Variants in SLC25A37 observed in about 807,000 individuals in gnomAD.
The protein encoded by SLC25A37 is solute carrier family 25 member 37.
In SLC25A37, 17 loss-of-function variants were observed where a neutral mutation model predicts 31.0. The ratio of observed to expected loss-of-function variants is 0.55; its 90% CI spans 0.38 to 0.82. The LOEUF (loss-of-function observed/expected upper bound fraction) is 0.82, where lower values mean the gene tolerates loss of function less well. SLC25A37 is among the 40% of genes least tolerant of loss of function. The probability of loss-of-function intolerance (pLI) is 0.00; values close to 1 mark genes in which losing one functional copy is unlikely to be tolerated. For missense variants in SLC25A37, 404 were observed against 465.8 expected (o/e 0.87, Z 1.22); for synonymous variants, 222 against 193.0 (o/e 1.15, Z -1.24).
rs778213772 is a variant in SLC25A37, at chr8:23,566,155, T to C, written c.258T>C (p.Ser86=). The change falls in exon 2 of 4, where the codon AGT becomes AGC. Residue 86 remains serine (S), a synonymous_variant. Transcript: ENST00000519973. ...CAGATCCCAAAGCCCAGTACACAAG[T>C]ATCTACGGAGCCCTCAAGAAAATCA... The part of the protein sequence containing the change: ...LSPDPKAQYT[S]IYGALKKIMR... The C allele has an allele frequency of 2.0e-5, 32 of 1,604,332 alleles. No homozygotes were observed. In the South Asian group the frequency reaches 3.5e-4, roughly 18 times the overall value.
intron 2 of SLC25A37, chr8:23,566,717 A>G (rs1469566989): frequency 4.9e-6 from 3 of 610,892 alleles, no homozygotes; most frequent in African/African-American, 2.0e-5. Flanking sequence ...GCTGGATTCA[A>G]AAAAAAAAAA....
chr8:23,540,996 T>A (rs1271394543), intron 1 of SLC25A37, among the ~76,000 whole-genome samples: 6 of 152,212 alleles, frequency 3.9e-5, no homozygotes, highest in Admixed American at 3.3e-4. Flanking sequence ...CAGGCTCTCA[T>A]TCCAGCACTA....
At chr8:23,541,812 G>A (rs1801901755) in intron 1 of SLC25A37, 1 of 152,566 alleles carries the variant, frequency 6.6e-6, no homozygotes, top group Admixed American at 6.5e-5. Context: ...CAGGGAGTCA[G>A]ACCAGAGGTG....
chr8:23,529,067 G>A lies in SLC25A37; in HGVS notation c.65G>A (p.Arg22Gln), dbSNP rs766182710. Residue 22 changes from arginine to glutamine, a missense_variant, in exon 1 of 4, where the codon CGA becomes CAA. Physicochemically the swap from Arg to Gln is conservative, Grantham distance 43. This residue lies in a region of SLC25A37 where 154 missense variants were observed against 153.6 expected (regional missense o/e 1.00). Transcript: ENST00000519973. The surrounding 1 kb of genome is among the most constrained non-coding windows in gnomAD (Gnocchi z 4.1). ...GCGCGGAGGATGGATGGGGACAGCC[G>A]AGATGGCGGCGGCGGCAAGGACGCC... ...AVARRMDGDS[R>Q]DGGGGKDATG... is the part of the protein sequence containing the mutation. 6.3e-7 allele frequency: 1 copy of A among 1,592,156 alleles called. No homozygotes were observed. Among genetic ancestry groups the A allele is most frequent in the Admixed American group, 1.8e-5 (1 of 56,810 alleles).
chr8:23,528,975 A>T lies in SLC25A37; in HGVS notation c.-28A>T. On this transcript the variant is annotated 5_prime_UTR_variant, in exon 1 of 4. Coordinates refer to ENST00000519973, the MANE Select transcript of SLC25A37 (RefSeq NM_016612.4). The stretch of plus-strand genomic sequence containing the variant: ...CTCCCCCTCCCTGCCCACCTCCTGC[A>T]GCCTCCTGCGCCCCGCCGAGCTGGC... 5 of 1,450,448 alleles carry T rather than the reference A, an allele frequency of 3.4e-6. No homozygotes were observed. The South Asian group carries it at 6.9e-5, about 20-fold the overall frequency. The allele number at this position is 1,450,448 out of a possible 1,614,324, so 89.8% of individuals were successfully genotyped here. A position where few individuals can be genotyped will look rare whatever the true frequency, so the allele number is the denominator to read the frequency against.
At position 23,572,359 on chromosome 8, in the gene SLC25A37, CA is replaced by C. The variant is rs2117473560; in HGVS notation, c.*505del. On this transcript the variant is annotated 3_prime_UTR_variant, in exon 4 of 4. Coordinates refer to ENST00000519973, the MANE Select transcript of SLC25A37 (RefSeq NM_016612.4). ...TTGTGTGTGTGCTTGTGCGTGTCTA[CA>C]CCTAGTATTACGGCTGGGACTCTCC... The C allele has an allele frequency of 6.5e-6, 1 of 153,176 alleles. No individual in the cohort carries two copies. Among genetic ancestry groups the C allele is most frequent in the East Asian group, 1.9e-4 (1 of 5,160 alleles). 9.5% of individuals were successfully genotyped at this position (153,176 alleles called of 1,614,324 possible). A position where few individuals can be genotyped will look rare whatever the true frequency, so the allele number is the denominator to read the frequency against.
intron 1 of SLC25A37, among the ~76,000 whole-genome samples, chr8:23,552,872 C>T (rs1190434152): frequency 6.6e-6 from 1 of 152,160 alleles, no homozygotes; most frequent in Non-Finnish European, 1.5e-5. Context: ...GGTAGGGGAA[C>T]TGAAAGCAAA....
At chr8:23,535,396 A>G (rs778554692) in intron 1 of SLC25A37, among the ~76,000 whole-genome samples, 1 of 152,154 alleles carries the variant, frequency 6.6e-6, no homozygotes, top group African/African-American at 2.4e-5. Flanking sequence ...CAGGACCTCA[A>G]TCAAACCCAT....
chr8:23,531,465 A>G (rs909247830), intron 1 of SLC25A37, among the ~76,000 whole-genome samples: 1 of 152,204 alleles, frequency 6.6e-6, no homozygotes, highest in African/African-American at 2.4e-5. Context: ...CCCTCTCCAC[A>G]TTTTTAACCC....
chr8:23,572,885 G>C lies in SLC25A37; in HGVS notation c.*1030G>C, dbSNP rs1244462357. The C allele has an allele frequency of 1.3e-5, 2 of 152,284 alleles. No homozygotes were observed. Among genetic ancestry groups the C allele is most frequent in the African/African-American group, 4.8e-5 (2 of 41,452 alleles). 9.4% of individuals were successfully genotyped at this position (152,284 alleles called of 1,614,324 possible). ...GCCTGCCTTCCCCGGTCAGCACTTA[G>C]AAGCCCTTGATAGGCAGCATTTGGC... On this transcript the variant is annotated 3_prime_UTR_variant, in exon 4 of 4. Coordinates refer to ENST00000519973, the MANE Select transcript of SLC25A37 (RefSeq NM_016612.4).
chr8:23,546,020 A>C lies in SLC25A37; in HGVS notation c.210+16808A>C, dbSNP rs567453083. ...TGTGGTAGCAGATGCCTATAATCTC[A>C]GCTACTTGAGAGGCTGAGGCGGGAG... On this transcript the variant is annotated intron_variant, in intron 1 of 3. Coordinates refer to ENST00000519973, the MANE Select transcript of SLC25A37 (RefSeq NM_016612.4). Among the ~76,000 whole-genome samples the C allele has an allele frequency of 4.6e-5, 7 of 152,228 alleles. No homozygotes were observed. The South Asian group carries it at 1.5e-3, about 32-fold the overall frequency.
intron 1 of SLC25A37, among the ~76,000 whole-genome samples, chr8:23,539,206 G>C (rs1801840013): frequency 6.6e-6 from 1 of 152,208 alleles, no homozygotes; most frequent in Admixed American, 6.5e-5. Flanking sequence ...CTTGAAGCAA[G>C]GGTTGCATAA....
intron 1 of SLC25A37, among the ~76,000 whole-genome samples, chr8:23,548,409 A>T (rs778874384): frequency 1.5e-4 from 21 of 143,992 alleles, no homozygotes; most frequent in Non-Finnish European, 2.5e-4. Flanking sequence ...CAATCTCCTG[A>T]CCTTGTGATC....
intron 1 of SLC25A37, among the ~76,000 whole-genome samples, chr8:23,548,786 GACCATATAGATGGAA>G (rs1482222070): frequency 6.6e-6 from 1 of 152,138 alleles, no homozygotes; most frequent in Non-Finnish European, 1.5e-5. Flanking sequence ...AAGAGATGAG[GACCATATAGATGGAA>G]ACACAGCATT....
intron 1 of SLC25A37, among the ~76,000 whole-genome samples, chr8:23,535,086 T>C (rs763150946): frequency 2.2e-4 from 34 of 152,328 alleles, no homozygotes; most frequent in Middle Eastern, 3.4e-3. Context: ...TAAATCCAGA[T>C]TATTATAGCC....
At chr8:23,547,241 G>A (rs977436856) in intron 1 of SLC25A37, among the ~76,000 whole-genome samples, 2 of 152,196 alleles carry the variant, frequency 1.3e-5, no homozygotes, top group Non-Finnish European at 1.5e-5. Context: ...GACTGGGAGA[G>A]CCACAGAGAA....
At chr8:23,543,256 G>C (rs929572646) in intron 1 of SLC25A37, 1 of 152,068 alleles carries the variant, frequency 6.6e-6, no homozygotes, top group Non-Finnish European at 1.5e-5. Context: ...TGTAGTGAAG[G>C]AGTTTCGCAA....
intron 1 of SLC25A37, among the ~76,000 whole-genome samples, chr8:23,547,746 TA>T (rs951217168): frequency 2.0e-5 from 3 of 152,198 alleles, no homozygotes; most frequent in Non-Finnish European, 4.4e-5. Context: ...TGCCTAGAAA[TA>T]AATGATAGTT....
rs1056986984 is a variant in SLC25A37 at position 23,575,268 on chromosome 8, T to C, written c.*3413T>C. 1.3e-5 allele frequency: 2 copies of C among 152,264 alleles called. No homozygotes were observed. Among genetic ancestry groups the C allele is most frequent in the African/African-American group, 4.8e-5 (2 of 41,566 alleles). The allele number at this position is 152,264 out of a possible 1,614,324, so 9.4% of individuals were successfully genotyped here. A position where few individuals can be genotyped will look rare whatever the true frequency, so the allele number is the denominator to read the frequency against. ...TGCTTCCTACCTGCAAGACGAACAA[T>C]GTATGTTTCAAGGGTGAGCAAGTGT... On this transcript the variant is annotated 3_prime_UTR_variant, in exon 4 of 4. Coordinates refer to ENST00000519973, the MANE Select transcript of SLC25A37 (RefSeq NM_016612.4).
Sources: allele counts gnomAD v4.1 joint callset (sites outside exome capture counted in the v4.1 genomes callset), GRCh38; gene constraint gnomAD v4.1.1; regional missense constraint gnomAD v4.1.1; non-coding constraint Gnocchi (gnomAD v3.1); transcripts MANE v1.5; gene names NCBI Gene and HGNC (gene_info 2026-07-23, HGNC 2026-07-21).